The following MCTP2 variants were observed in gnomAD, a reference collection of about 807,000 sequenced individuals.
The protein encoded by MCTP2 is multiple C2 and transmembrane domain containing 2, also known as multiple C2 and transmembrane domain-containing protein 2.
A neutral mutation model predicts 111.6 loss-of-function variants in MCTP2; 132 were observed. The observed-to-expected ratio is 1.18, with a 90% CI of 1.03 to 1.37. The LOEUF is 1.37. Ranked by LOEUF, MCTP2 falls within the 40% of genes most tolerant of loss-of-function variation. The pLI is 0.00. For synonymous variants in MCTP2, 395 were observed against 387.7 expected (o/e 1.02, Z -0.22); for missense variants, 1,183 against 1,067.9 (o/e 1.11, Z -1.50).
At chr15:94,353,995 G>A (rs1444044012) in intron 8 of MCTP2, among the ~76,000 whole-genome samples, 1 of 147,192 alleles carries the variant, frequency 6.8e-6, no homozygotes, top group East Asian at 2.0e-4. Context: ...AGTATATCTG[G>A]AATATGTTAT....
chr15:94,392,140 G>A (rs557405445), intron 14 of MCTP2, among the ~76,000 whole-genome samples: 1 of 152,270 alleles, frequency 6.6e-6, no homozygotes, highest in African/African-American at 2.4e-5. Context: ...GGGAGGCTGA[G>A]GTGGGCGGAT....
chr15:94,438,420 C>G (rs745943799), intron 17 of MCTP2, among the ~76,000 whole-genome samples: 14 of 151,900 alleles, frequency 9.2e-5, no homozygotes, highest in Non-Finnish European at 1.9e-4. Flanking sequence ...GGAAGGTTGA[C>G]AAAAAGAACA....
At chr15:94,312,441 T>C (rs2076187519) in intron 2 of MCTP2, among the ~76,000 whole-genome samples, 1 of 152,214 alleles carries the variant, frequency 6.6e-6, no homozygotes, top group Non-Finnish European at 1.5e-5. Context: ...TGTAGCCTCT[T>C]TTCTTGTCTG....
chr15:94,409,649 T>C (rs1032973798), intron 17 of MCTP2, among the ~76,000 whole-genome samples: 1 of 152,046 alleles, frequency 6.6e-6, no homozygotes, highest in Non-Finnish European at 1.5e-5. Context: ...AGCAACTTAA[T>C]GCAGCTGATG....
At chr15:94,314,122 C>T (rs1397424212) in intron 2 of MCTP2, among the ~76,000 whole-genome samples, 160 bp from the exon 3 acceptor site, 1 of 152,264 alleles carries the variant, frequency 6.6e-6, no homozygotes, top group African/African-American at 2.4e-5. Context: ...GACACCTCTG[C>T]ATCCACGTCT....
chr15:94,339,648 T>A (rs564731150), intron 5 of MCTP2, among the ~76,000 whole-genome samples: 1 of 152,356 alleles, frequency 6.6e-6, no homozygotes, highest in East Asian at 1.9e-4. Context: ...TCTACATTGA[T>A]TGCATTTCAG....
intron 14 of MCTP2, among the ~76,000 whole-genome samples, chr15:94,388,589 A>G (rs2080664243): frequency 1.3e-5 from 2 of 152,178 alleles, no homozygotes; most frequent in African/African-American, 4.8e-5. Flanking sequence ...CTAACTTGTG[A>G]TTTAGAGGAT....
chr15:94,383,908 C>G (rs2152455311), intron 12 of MCTP2, 114 bp from the exon 13 acceptor site: 1 of 721,866 alleles, frequency 1.4e-6, no homozygotes, highest in Non-Finnish European at 2.4e-6. Context: ...ATTGGAAAAG[C>G]AGTCTTGCCT....
intron 1 of MCTP2, among the ~76,000 whole-genome samples, chr15:94,248,566 G>A (rs114122639): frequency 0.016 from 2,430 of 152,172 alleles, 56 homozygotes; most frequent in African/African-American, 0.054. Flanking sequence ...ATGTTCTTTC[G>A]CTTGTTGCTT....
At chr15:94,307,110 G>T (rs1006786665) in intron 2 of MCTP2, among the ~76,000 whole-genome samples, 1 of 152,110 alleles carries the variant, frequency 6.6e-6, no homozygotes, top group Non-Finnish European at 1.5e-5. Flanking sequence ...CCTGTTGAAC[G>T]CCTGCTTTGT....
At chr15:94,386,938 T>G (rs1346757826) in intron 14 of MCTP2, among the ~76,000 whole-genome samples, 1 of 152,060 alleles carries the variant, frequency 6.6e-6, no homozygotes, top group Non-Finnish European at 1.5e-5. Flanking sequence ...CTTACCCGAT[T>G]CTGTCTTTCT....
At chr15:94,415,276 G>A (rs1005609429) in intron 17 of MCTP2, among the ~76,000 whole-genome samples, 1 of 152,132 alleles carries the variant, frequency 6.6e-6, no homozygotes, top group African/African-American at 2.4e-5. Context: ...GCCTGCAGTT[G>A]AAGTTTATCT....
intron 17 of MCTP2, among the ~76,000 whole-genome samples, chr15:94,424,000 T>C (rs759717654): frequency 4.6e-5 from 7 of 152,228 alleles, no homozygotes; most frequent in Non-Finnish European, 7.3e-5. Context: ...TCCTTCCTGC[T>C]TTGTCCCCAG....
At chr15:94,445,513 T>A (rs1293144331) in intron 19 of MCTP2, among the ~76,000 whole-genome samples, 1 of 152,180 alleles carries the variant, frequency 6.6e-6, no homozygotes, top group Non-Finnish European at 1.5e-5. Context: ...CTGTAAGGGA[T>A]TTGTAAACTA....
At chr15:94,300,532 T>C (rs1175372907) in intron 2 of MCTP2, among the ~76,000 whole-genome samples, 3 of 151,268 alleles carry the variant, frequency 2.0e-5, no homozygotes. Context: ...AAAGAACTTT[T>C]ATTGTCTTTG....
At chr15:94,476,852 G>A in intron 22 of MCTP2, 59 bp downstream of exon 22, 1 of 963,430 alleles carries the variant, frequency 1.0e-6, no homozygotes, top group Admixed American at 1.9e-5. Context: ...GCCAGCCCCG[G>A]AGCCAGAGGA....
chr15:94,400,295 C>G (rs971774092), intron 16 of MCTP2, among the ~76,000 whole-genome samples: 1 of 152,188 alleles, frequency 6.6e-6, no homozygotes, highest in Non-Finnish European at 1.5e-5. Flanking sequence ...AGCATCAAGA[C>G]TGTCAGTGTC....
intron 1 of MCTP2, among the ~76,000 whole-genome samples, chr15:94,271,433 C>A (rs1351995589): frequency 6.6e-6 from 1 of 152,140 alleles, no homozygotes; most frequent in Non-Finnish European, 1.5e-5. Context: ...GGTTGCAAAT[C>A]TCTAGAGGTT....
At chr15:94,304,561 T>G (rs1044692823) in intron 2 of MCTP2, among the ~76,000 whole-genome samples, 19 of 152,242 alleles carry the variant, frequency 1.2e-4, no homozygotes, top group Admixed American at 6.5e-5. Flanking sequence ...ATTAACCTGT[T>G]AGGAGAAATT....
Sources: allele counts gnomAD v4.1 joint callset (sites outside exome capture counted in the v4.1 genomes callset), GRCh38; gene constraint gnomAD v4.1.1; transcripts MANE v1.5; gene names NCBI Gene and HGNC (gene_info 2026-07-23, HGNC 2026-07-21).